MCTP1: variants seen among roughly 807,000 people sequenced by gnomAD.
MCTP1 encodes the protein multiple C2 and transmembrane domain containing 1.
A neutral mutation model predicts 120.6 loss-of-function variants in MCTP1; 69 were observed. That is an observed-to-expected ratio of 0.57 (90% CI 0.47 to 0.70). The LOEUF (loss-of-function observed/expected upper bound fraction) is 0.70, where lower values mean the gene tolerates loss of function less well. Among genes scored for constraint, MCTP1 ranks in the 30% least tolerant of loss-of-function variants. MCTP1 has a pLI of 0.00. For missense variants in MCTP1, 1,203 were observed against 1,248.8 expected (o/e 0.96, Z 0.55); for synonymous variants, 529 against 493.1 (o/e 1.07, Z -0.96).
intron 9 of MCTP1, among the ~76,000 whole-genome samples, chr5:94,910,037 T>C (rs1808028725): frequency 6.6e-6 from 1 of 151,920 alleles, no homozygotes. Context: ...CTCAAAGTCT[T>C]TGATTAAAGC....
At chr5:94,927,770 C>T (rs1163951405) in intron 6 of MCTP1, among the ~76,000 whole-genome samples, 1 of 152,126 alleles carries the variant, frequency 6.6e-6, no homozygotes, top group East Asian at 1.9e-4. Context: ...TCAGGTTTAA[C>T]TACTACGCCC....
intron 18 of MCTP1, among the ~76,000 whole-genome samples, chr5:94,795,278 G>C (rs1179413961): frequency 2.0e-5 from 3 of 152,118 alleles, no homozygotes; most frequent in Non-Finnish European, 4.4e-5. Flanking sequence ...ATGGCGGCAG[G>C]TCACTCGACT....
At chr5:95,054,020 T>C (rs956892572) in intron 1 of MCTP1, among the ~76,000 whole-genome samples, 8 of 152,238 alleles carry the variant, frequency 5.3e-5, no homozygotes, top group Admixed American at 5.2e-4. Context: ...ACTGAGCTGC[T>C]CAGTGAACCC....
intron 19 of MCTP1, among the ~76,000 whole-genome samples, chr5:94,717,908 G>C (rs1561521619): frequency 6.6e-6 from 1 of 152,110 alleles, no homozygotes; most frequent in East Asian, 1.9e-4. Flanking sequence ...TCATGGATAG[G>C]AACAATCATT....
At chr5:95,035,468 C>A (rs1036166676) in intron 1 of MCTP1, among the ~76,000 whole-genome samples, 1 of 152,000 alleles carries the variant, frequency 6.6e-6, no homozygotes, top group African/African-American at 2.4e-5. Context: ...AATGAAGAAA[C>A]AGAAAACCAC....
intron 11 of MCTP1, among the ~76,000 whole-genome samples, chr5:94,894,230 CTT>C (rs1803362346): frequency 1.3e-5 from 2 of 152,192 alleles, no homozygotes; most frequent in African/African-American, 4.8e-5. Flanking sequence ...TGTGGATACT[CTT>C]TAGTTACCAG....
chr5:94,951,966 G>A (rs1235287961), intron 3 of MCTP1, among the ~76,000 whole-genome samples: 1 of 152,062 alleles, frequency 6.6e-6, no homozygotes, highest in African/African-American at 2.4e-5. Flanking sequence ...GAGGCCGGGA[G>A]TTCAAGACCA....
At chr5:94,750,050 A>G (rs1767924244) in intron 19 of MCTP1, among the ~76,000 whole-genome samples, 1 of 152,236 alleles carries the variant, frequency 6.6e-6, no homozygotes, top group Non-Finnish European at 1.5e-5. Flanking sequence ...GCTGAATGAG[A>G]AAGAGAGAGA....
intron 17 of MCTP1, among the ~76,000 whole-genome samples, chr5:94,848,578 A>G (rs1395004074): frequency 6.6e-6 from 1 of 152,142 alleles, no homozygotes; most frequent in African/African-American, 2.4e-5. Context: ...AGAAGTAGGC[A>G]TGACGGGTTC....
chr5:94,877,254 T>C (rs138086003), intron 12 of MCTP1, among the ~76,000 whole-genome samples: 2 of 152,232 alleles, frequency 1.3e-5, no homozygotes, highest in East Asian at 3.9e-4. Flanking sequence ...ATTTGTATAT[T>C]CCTTTAATAG....
chr5:95,202,863 G>T (rs1311787048), intron 1 of MCTP1, among the ~76,000 whole-genome samples: 2 of 152,104 alleles, frequency 1.3e-5, no homozygotes, highest in African/African-American at 4.8e-5. Flanking sequence ...GAGTAGCTGG[G>T]ACTACAGGTG....
intron 1 of MCTP1, among the ~76,000 whole-genome samples, chr5:95,102,097 C>A (rs1756777203): frequency 6.6e-6 from 1 of 152,092 alleles, no homozygotes; most frequent in Non-Finnish European, 1.5e-5. Flanking sequence ...ATTTACTTTC[C>A]CTCCCCTTGA....
intron 19 of MCTP1, among the ~76,000 whole-genome samples, chr5:94,737,368 A>C (rs1764524071): frequency 6.6e-6 from 1 of 152,212 alleles, no homozygotes; most frequent in Non-Finnish European, 1.5e-5. Context: ...GCTCTAACCC[A>C]GAGCAGTAAG....
intron 1 of MCTP1, among the ~76,000 whole-genome samples, chr5:95,151,791 C>T (rs1760917844): frequency 6.6e-6 from 1 of 152,190 alleles, no homozygotes; most frequent in South Asian, 2.1e-4. Flanking sequence ...GCAGTGGTCT[C>T]TTACTTTGGC....
At chr5:95,253,898 A>G (rs553964472) in intron 1 of MCTP1, among the ~76,000 whole-genome samples, 5 of 152,116 alleles carry the variant, frequency 3.3e-5, no homozygotes, top group Non-Finnish European at 7.4e-5. Flanking sequence ...GGATTGGTAA[A>G]TATACTGTAG....
In MCTP1 at chr5:95,093,784, A is replaced by G. The variant is rs183869978; in HGVS notation, c.721-76300T>C. On this transcript the variant is annotated intron_variant, in intron 1 of 22. Coordinates refer to ENST00000515393, the MANE Select transcript of MCTP1 (RefSeq NM_024717.7). ...AAGTGCCTTCCCTCTGAATCTAGAC[A>G]GGATTGTGACTATAGCAAAAGTGAG... 2.4e-3 allele frequency among the ~76,000 whole-genome samples: 364 copies of G among 152,320 alleles called. 2 individuals are homozygous for G. The highest frequency in any genetic ancestry group is 6.8e-3 in the African/African-American group (283 of 41,560).
chr5:94,707,973 T>TAAA (rs34524369), intron 22 of MCTP1, among the ~76,000 whole-genome samples: 31 of 142,360 alleles, frequency 2.2e-4, no homozygotes, highest in East Asian at 1.9e-3. Context: ...CTTCAGGATT[T>TAAA]AAAAAAAAAA....
intron 12 of MCTP1, among the ~76,000 whole-genome samples, chr5:94,879,718 A>G (rs1799658325): frequency 6.6e-6 from 1 of 152,152 alleles, no homozygotes; most frequent in South Asian, 2.1e-4. Flanking sequence ...CTCATGAAAG[A>G]ATAAGAATAA....
chr5:94,788,366 G>A (rs1031512465), intron 18 of MCTP1, among the ~76,000 whole-genome samples: 2 of 152,036 alleles, frequency 1.3e-5, no homozygotes, highest in Non-Finnish European at 2.9e-5. Context: ...CTCATACAAC[G>A]CTTTAAAAAA....
Sources: gnomAD v4.1 joint callset for allele counts (sites outside exome capture counted in the v4.1 genomes callset) on GRCh38, gnomAD v4.1.1 for gene constraint, MANE v1.5 for transcripts, NCBI Gene and HGNC (gene_info 2026-07-23, HGNC 2026-07-21) for gene names.